Variants in DLG1 observed in about 807,000 individuals in gnomAD.
DLG1 encodes the protein disks large homolog 1.
Under a neutral mutation model 123.4 loss-of-function variants are expected in DLG1, and 42 were observed. That is an observed-to-expected ratio of 0.34 (90% CI 0.27 to 0.44). The LOEUF is 0.44. DLG1 is among the 20% of genes least tolerant of loss of function. The pLI is 1.00. For missense variants in DLG1, 942 were observed against 1,082.6 expected (o/e 0.87, Z 1.82); for synonymous variants, 317 against 356.2 (o/e 0.89, Z 1.24).
intron 22 of DLG1, among the ~76,000 whole-genome samples, chr3:197,061,571 A>G (rs1019603287): frequency 3.7e-5 from 5 of 135,282 alleles, no homozygotes; most frequent in Non-Finnish European, 7.9e-5. Context: ...GTCTCCGTCA[A>G]TCTGACACAG....
At chr3:197,163,682 C>G (rs1167258313) in intron 5 of DLG1, among the ~76,000 whole-genome samples, 1 of 132,176 alleles carries the variant, frequency 7.6e-6, no homozygotes, top group African/African-American at 2.9e-5. Flanking sequence ...CCACCATGCT[C>G]AGCTATTTTT....
intron 4 of DLG1, among the ~76,000 whole-genome samples, chr3:197,252,527 C>A (rs113737242): frequency 6.6e-6 from 1 of 151,882 alleles, no homozygotes; most frequent in Non-Finnish European, 1.5e-5. Context: ...GTGGTACTTA[C>A]GGTAGTTAAA....
intron 4 of DLG1, among the ~76,000 whole-genome samples, chr3:197,230,856 C>A (rs191340070): frequency 6.6e-6 from 1 of 152,312 alleles, no homozygotes; most frequent in Non-Finnish European, 1.5e-5. Flanking sequence ...AATTTTCACA[C>A]TTGCCAAAAA....
chr3:197,063,275 TTTTA>T (rs1737119850), intron 22 of DLG1, among the ~76,000 whole-genome samples: 1 of 152,182 alleles, frequency 6.6e-6, no homozygotes, highest in Non-Finnish European at 1.5e-5. Context: ...TCTTTGTTGC[TTTTA>T]TTTTTGATTT....
intron 5 of DLG1, among the ~76,000 whole-genome samples, chr3:197,156,758 A>G (rs1387499353): frequency 6.6e-6 from 1 of 152,238 alleles, no homozygotes; most frequent in Non-Finnish European, 1.5e-5. Context: ...TAACAATTAC[A>G]AAAATTAACG....
chr3:197,098,142 G>T (rs2149249337), intron 14 of DLG1, among the ~76,000 whole-genome samples: 1 of 152,170 alleles, frequency 6.6e-6, no homozygotes, highest in East Asian at 1.9e-4. Context: ...TGCTTCCTTA[G>T]CCCTGAGTTC....
rs755104559 is a variant in DLG1 at position 197,210,279 on chromosome 3, A to T, written c.319-15690T>A. On this transcript the variant is annotated intron_variant, in intron 4 of 24. Transcript: ENST00000667157. Reference sequence around the variant, plus strand: ...AAAAAGACTAAGTAAAGTAAACCTGAGGGGAAGAGAAGGAAGGAAATAATA... The same window carrying T: ...AAAAAGACTAAGTAAAGTAAACCTGTGGGGAAGAGAAGGAAGGAAATAATA... Among the ~76,000 whole-genome samples, 81 of 144,674 alleles carry T rather than the reference A, an allele frequency of 5.6e-4. 10 individuals are homozygous for T. The highest frequency in any genetic ancestry group is 1.0e-3 in the Admixed American group (15 of 14,374). The allele number at this position is 144,674 out of a possible 152,430, so 94.9% of individuals were successfully genotyped here. A position where few individuals can be genotyped will look rare whatever the true frequency, so the allele number is the denominator to read the frequency against.
intron 4 of DLG1, among the ~76,000 whole-genome samples, chr3:197,266,926 A>C (rs1187955159): frequency 6.6e-6 from 1 of 152,216 alleles, no homozygotes; most frequent in Non-Finnish European, 1.5e-5. Context: ...AAACGTCTAA[A>C]GTAGGTAAAA....
At chr3:197,289,341 T>TACACACACACACACACACAC (rs56319334) in intron 3 of DLG1, among the ~76,000 whole-genome samples, 1 of 150,286 alleles carries the variant, frequency 6.7e-6, no homozygotes, top group Admixed American at 6.6e-5. Context: ...TACACGCGCA[T>TACACACACACACACACACAC]ACACACACAC....
intron 4 of DLG1, among the ~76,000 whole-genome samples, chr3:197,236,679 G>A (rs1470848898): frequency 6.6e-6 from 1 of 152,150 alleles, no homozygotes. Context: ...GAAAGCTACA[G>A]CTGCAGAACC....
intron 4 of DLG1, among the ~76,000 whole-genome samples, chr3:197,203,847 T>C (rs1307534479): frequency 5.3e-5 from 8 of 152,210 alleles, no homozygotes; most frequent in Non-Finnish European, 8.8e-5. Flanking sequence ...GCAGTAAAAG[T>C]GCACAAACTG....
chr3:197,260,750 CAAAAAAAAAAAAAAAAAAAAAAA>C (rs570596943), intron 4 of DLG1, among the ~76,000 whole-genome samples: 1 of 18,292 alleles, frequency 5.5e-5, no homozygotes, highest in East Asian at 3.1e-3. Context: ...TGACAACCAC[CAAAAAAAAAAAAAAAAAAAAAAA>C]AAAAAAAAAA....
intron 15 of DLG1, among the ~76,000 whole-genome samples, chr3:197,089,991 T>C (rs1224016602): frequency 1.3e-5 from 2 of 152,152 alleles, no homozygotes; most frequent in Middle Eastern, 3.2e-3. Context: ...TAAGATTATG[T>C]GAAGACAGTA....
At chr3:197,196,690 C>T (rs954592821) in intron 4 of DLG1, among the ~76,000 whole-genome samples, 3 of 152,092 alleles carry the variant, frequency 2.0e-5, no homozygotes, top group African/African-American at 7.2e-5. Context: ...GCACACCCAT[C>T]GTAGGAAATT....
chr3:197,054,354 A>G (rs1026607489), intron 23 of DLG1, among the ~76,000 whole-genome samples: 4 of 151,886 alleles, frequency 2.6e-5, no homozygotes, highest in Non-Finnish European at 5.9e-5. Context: ...TCCTTCAAGG[A>G]CCTCCACAAT....
chr3:197,267,083 T>C (rs963691350), intron 4 of DLG1, among the ~76,000 whole-genome samples: 1 of 152,178 alleles, frequency 6.6e-6, no homozygotes, highest in African/African-American at 2.4e-5. Flanking sequence ...GAGAACGTGA[T>C]TACAGTGGAA....
At chr3:197,210,895 T>C (rs951697515) in intron 4 of DLG1, among the ~76,000 whole-genome samples, 2 of 145,554 alleles carry the variant, frequency 1.4e-5, no homozygotes, top group African/African-American at 4.9e-5. Context: ...ATATCCTTCA[T>C]GAACACAAAT....
chr3:197,057,643 TG>T (rs1221620045), intron 23 of DLG1, among the ~76,000 whole-genome samples: 1 of 152,222 alleles, frequency 6.6e-6, no homozygotes, highest in African/African-American at 2.4e-5. Flanking sequence ...TTTTTTAACC[TG>T]TATTTCCATG....
At chr3:197,048,701 G>C (rs1230496901) in intron 24 of DLG1, among the ~76,000 whole-genome samples, 2 of 152,088 alleles carry the variant, frequency 1.3e-5, no homozygotes, top group Non-Finnish European at 2.9e-5. Flanking sequence ...TGTTGCCCAG[G>C]CTGGAGTGCA....
Sources: allele counts gnomAD v4.1 joint callset (sites outside exome capture counted in the v4.1 genomes callset), GRCh38; gene constraint gnomAD v4.1.1; transcripts MANE v1.5; gene names NCBI Gene and HGNC (gene_info 2026-07-23, HGNC 2026-07-21).